MMP26: variants seen among roughly 807,000 people sequenced by gnomAD.
The protein encoded by MMP26 is matrix metallopeptidase 26, also known as matrix metalloproteinase-26.
In MMP26, 33 loss-of-function variants were observed where a neutral mutation model predicts 31.0. The observed-to-expected ratio is 1.06, with a 90% CI of 0.81 to 1.42. The LOEUF (loss-of-function observed/expected upper bound fraction) is 1.42, where lower values mean the gene tolerates loss of function less well. Among genes scored for constraint, MMP26 ranks in the 40% most tolerant of loss-of-function variants. The pLI, the probability that MMP26 is intolerant of heterozygous loss-of-function variation, is 0.00. For missense variants in MMP26, 347 were observed against 316.1 expected, an observed-to-expected ratio of 1.10 and a Z score of -0.74; for synonymous variants, 122 against 114.9, an observed-to-expected ratio of 1.06 and a Z score of -0.40.
chr11:4,842,401 A>C (rs919212040), intron 2 of MMP26, among the ~76,000 whole-genome samples: 7 of 152,210 alleles, frequency 4.6e-5, no homozygotes, highest in African/African-American at 1.7e-4. Flanking sequence ...TCACAGTTCC[A>C]CAGACTGTAC....
intron 2 of MMP26, among the ~76,000 whole-genome samples, chr11:4,854,555 A>G (rs1222230630): frequency 1.3e-5 from 2 of 152,220 alleles, no homozygotes; most frequent in Non-Finnish European, 2.9e-5. Context: ...AGGTAAACAA[A>G]GCAGCCTGGA....
intron 2 of MMP26, chr11:4,787,059 G>C (rs11033880): frequency 6.5e-5 from 10 of 153,074 alleles, no homozygotes; most frequent in African/African-American, 2.4e-4. Context: ...GTATCATCCA[G>C]CTCTTTTTCC....
rs578167082 is a variant in MMP26, at chr11:4,790,350, A to AAAAC, written c.-145+23021_-145+23024dup. Among the ~76,000 whole-genome samples the AAAAC allele has an allele frequency of 3.3e-5, 5 of 152,310 alleles. No individual in the cohort carries two copies. In the East Asian group the frequency reaches 9.6e-4, roughly 29 times the overall value. Reference sequence around the variant, plus strand: ...GGCAACAGAGTGAGACTCTGTCTCAAAAACAAACAAACAAAAAAAAGCAAT... The same window carrying AAAAC: ...GGCAACAGAGTGAGACTCTGTCTCAAAAACAAACAAACAAACAAAAAAAAGCAAT... On this transcript the variant is annotated intron_variant, in intron 2 of 7. Transcript: ENST00000380390.
chr11:4,897,179 C>T (rs560722048), intron 2 of MMP26, among the ~76,000 whole-genome samples: 5 of 152,130 alleles, frequency 3.3e-5, no homozygotes, highest in African/African-American at 4.8e-5. Context: ...CTCACTCTGT[C>T]GCCCGGCTGG....
intron 2 of MMP26, chr11:4,938,000 A>G (rs547167773): frequency 1.3e-5 from 2 of 152,332 alleles, no homozygotes; most frequent in Admixed American, 1.3e-4. Flanking sequence ...TAGGCAAAGC[A>G]TGGAGCTGCA....
rs931612682 is a variant in MMP26 at position 4,872,377 on chromosome 11, T to C, written c.-145+105036T>C. On this transcript the variant is annotated intron_variant, in intron 2 of 7. Coordinates refer to ENST00000380390, the MANE Select transcript of MMP26 (RefSeq NM_021801.5). Reference sequence around the variant, plus strand: ...ATTACTTTTTCATTTCCTTCTCCTTTTCATTAAAATAGAACTAACACTTCT... The same window carrying C: ...ATTACTTTTTCATTTCCTTCTCCTTCTCATTAAAATAGAACTAACACTTCT... Among the ~76,000 whole-genome samples the C allele has an allele frequency of 3.9e-5, 6 of 152,060 alleles. 1 individual carries two copies. Among genetic ancestry groups the C allele is most frequent in the Admixed American group, 2.0e-4 (3 of 15,254 alleles).
chr11:4,708,696 G>A (rs905869274), intron 1 of MMP26, among the ~76,000 whole-genome samples: 4 of 152,186 alleles, frequency 2.6e-5, no homozygotes, highest in African/African-American at 9.6e-5. Flanking sequence ...ATGGATCTGG[G>A]TGAGCATACA....
chr11:4,714,918 T>TCACACA (rs1404204139), intron 1 of MMP26, among the ~76,000 whole-genome samples: 5 of 130,342 alleles, frequency 3.8e-5, no homozygotes, highest in South Asian at 2.4e-4. Flanking sequence ...TCTCTCTCTC[T>TCACACA]CTCACACACA....
intron 2 of MMP26, among the ~76,000 whole-genome samples, chr11:4,899,648 C>T (rs1407687095): frequency 6.6e-6 from 1 of 152,066 alleles, no homozygotes; most frequent in Non-Finnish European, 1.5e-5. Flanking sequence ...TCTTCCATTC[C>T]TTCATTGTTT....
At chr11:4,940,981 C>A (rs181236049) in intron 2 of MMP26, among the ~76,000 whole-genome samples, 2 of 152,332 alleles carry the variant, frequency 1.3e-5, no homozygotes, top group African/African-American at 4.8e-5. Context: ...TAAATCTCCT[C>A]TTTTGAAGTA....
At chr11:4,958,332 G>A (rs1005321556) in intron 2 of MMP26, among the ~76,000 whole-genome samples, 1 of 152,092 alleles carries the variant, frequency 6.6e-6, no homozygotes, top group Non-Finnish European at 1.5e-5. Context: ...TTTTTCTATC[G>A]TATCTCACTC....
chr11:4,901,504 T>C (rs1850802237), intron 2 of MMP26, among the ~76,000 whole-genome samples: 1 of 152,048 alleles, frequency 6.6e-6, no homozygotes, highest in Non-Finnish European at 1.5e-5. Context: ...CTTACTTGTG[T>C]CTTAGCATGG....
intron 2 of MMP26, among the ~76,000 whole-genome samples, chr11:4,852,387 G>T (rs546610317): frequency 6.6e-6 from 1 of 152,234 alleles, no homozygotes; most frequent in East Asian, 1.9e-4. Flanking sequence ...ATAGCAGACT[G>T]CATATTCTTT....
chr11:4,734,939 G>T (rs1345094010), intron 1 of MMP26, among the ~76,000 whole-genome samples: 2 of 151,210 alleles, frequency 1.3e-5, no homozygotes, highest in Non-Finnish European at 3.0e-5. Flanking sequence ...GCTATGCCTG[G>T]CATACAGCTA....
intron 1 of MMP26, among the ~76,000 whole-genome samples, chr11:4,709,006 AT>A (rs1038577434): frequency 6.6e-6 from 1 of 151,954 alleles, no homozygotes; most frequent in Non-Finnish European, 1.5e-5. Flanking sequence ...TTATTTATTT[AT>A]TTTTTTCACT....
At chr11:4,913,344 A>C (rs1851020995) in intron 2 of MMP26, 1 of 152,150 alleles carries the variant, frequency 6.6e-6, no homozygotes, top group South Asian at 2.1e-4. Flanking sequence ...GTCCACATAC[A>C]CTTCATAGTA....
chr11:4,897,825 T>C (rs1850733527), intron 2 of MMP26, among the ~76,000 whole-genome samples: 2 of 151,560 alleles, frequency 1.3e-5, no homozygotes, highest in South Asian at 4.1e-4. Flanking sequence ...AATTATTAAG[T>C]ACATGTTTCT....
At chr11:4,895,910 C>T (rs926077802) in intron 2 of MMP26, among the ~76,000 whole-genome samples, 1 of 152,180 alleles carries the variant, frequency 6.6e-6, no homozygotes. Flanking sequence ...CAGTGAGACC[C>T]CGTCTTGGGG....
At chr11:4,731,928 A>G (rs957887103) in intron 1 of MMP26, among the ~76,000 whole-genome samples, 1 of 152,174 alleles carries the variant, frequency 6.6e-6, no homozygotes, top group Non-Finnish European at 1.5e-5. Flanking sequence ...TTAGCTCTTT[A>G]TCTGGGTATG....
Sources: gnomAD v4.1 joint callset for allele counts (sites outside exome capture counted in the v4.1 genomes callset) on GRCh38, gnomAD v4.1.1 for gene constraint, MANE v1.5 for transcripts, NCBI Gene and HGNC (gene_info 2026-07-23, HGNC 2026-07-21) for gene names.